The following ZNF100 variants were observed in gnomAD, a reference collection of about 807,000 sequenced individuals.
ZNF100 encodes zinc finger protein 100.
In ZNF100, 12 loss-of-function variants were observed where a neutral mutation model predicts 15.8. The observed-to-expected ratio is 0.76, with a 90% confidence interval of 0.49 to 1.23. The LOEUF is 1.23. ZNF100 is among the 50% of genes most tolerant of loss of function. The pLI, the probability that ZNF100 is intolerant of heterozygous loss-of-function variation, is 0.00. For synonymous variants in ZNF100, 226 were observed against 214.8 expected (o/e 1.05, Z -0.45); for missense variants, 670 against 635.6 (o/e 1.05, Z -0.58).
intron 4 of ZNF100, among the ~76,000 whole-genome samples, chr19:21,728,983 G>C (rs1177572073): frequency 1.3e-5 from 2 of 151,186 alleles, no homozygotes; most frequent in African/African-American, 4.9e-5. Flanking sequence ...GAAAAATATT[G>C]AAAGAAACGA....
chr19:21,737,695 G>C (rs918143380), intron 4 of ZNF100, among the ~76,000 whole-genome samples: 5 of 152,062 alleles, frequency 3.3e-5, no homozygotes, highest in Admixed American at 3.3e-4. Flanking sequence ...TTGAATCCCT[G>C]AATAGACCAA....
chr19:21,730,447 T>A (rs74732249), intron 4 of ZNF100, among the ~76,000 whole-genome samples: 9 of 54,824 alleles, frequency 1.6e-4, no homozygotes, highest in South Asian at 1.7e-3. Flanking sequence ...ATAACCTAAG[T>A]GTGTGTGTGT....
Position 21,725,236 on chromosome 19 carries a change from CATA to C in ZNF100, c.*1444_*1446del, listed in dbSNP as rs2035755903. On this transcript the variant is annotated 3_prime_UTR_variant, in exon 5 of 5. Coordinates refer to ENST00000358296, the MANE Select transcript of ZNF100 (RefSeq NM_173531.4). Reference sequence around the variant, plus strand: ...AGGTGGAATAGGTTAATGTCTGTGGCATAATAACACTTCACTGAATGCACAATA... The same window carrying C: ...AGGTGGAATAGGTTAATGTCTGTGGCATAACACTTCACTGAATGCACAATA... 1 of 152,000 alleles carries C rather than the reference CATA, an allele frequency of 6.6e-6. No individual in the cohort carries two copies. The highest frequency in any genetic ancestry group is 2.1e-4 in the South Asian group (1 of 4,824). 9.4% of individuals were successfully genotyped at this position (152,000 alleles called of 1,614,324 possible).
chr19:21,728,285 T>C (rs2035851586), intron 4 of ZNF100, among the ~76,000 whole-genome samples: 1 of 152,074 alleles, frequency 6.6e-6, no homozygotes, highest in East Asian at 1.9e-4. Context: ...CAATATAACA[T>C]ACTGTCTTTA....
chr19:21,749,638 T>C (rs1380430669), intron 2 of ZNF100, among the ~76,000 whole-genome samples: 2 of 152,224 alleles, frequency 1.3e-5, no homozygotes, highest in African/African-American at 2.4e-5. Flanking sequence ...TGGCTCTGGA[T>C]ACTTTGTGGC....
intron 2 of ZNF100, among the ~76,000 whole-genome samples, chr19:21,765,308 T>C (rs2036540791): frequency 6.6e-6 from 1 of 152,112 alleles, no homozygotes. Flanking sequence ...TCAAGTCAGG[T>C]CATTCAATCA....
Position 21,727,493 on chromosome 19 carries a change from G to T in ZNF100, c.819C>A (p.Ser273=), listed in dbSNP as rs766540094. 3 of 1,613,326 alleles carry T rather than the reference G, an allele frequency of 1.9e-6. No homozygotes were observed. The highest frequency in any genetic ancestry group is 2.5e-6 in the Non-Finnish European group (3 of 1,179,688). Residue 273 remains serine (S), a synonymous_variant, in exon 5 of 5, where the codon TCC becomes TCA. Coordinates refer to ENST00000358296, the MANE Select transcript of ZNF100 (RefSeq NM_173531.4). ...CEECGKAFNR[S]SHLTTHKIIH... is the part of the protein sequence containing the mutation. Reference sequence around the variant, plus strand: ...TTATCTTATGTGTAGTAAGGTGTGAGGACCGGTTAAATGCTTTCCCACATT... The same window carrying T: ...TTATCTTATGTGTAGTAAGGTGTGATGACCGGTTAAATGCTTTCCCACATT...
Position 21,742,372 on chromosome 19 carries a change from T to A in ZNF100, c.322+1645A>T, listed in dbSNP as rs2036127469. Among the ~76,000 whole-genome samples, 3 of 125,038 alleles carry A rather than the reference T, an allele frequency of 2.4e-5. No individual in the cohort carries two copies. The South Asian group carries it at 7.2e-4, about 30-fold the overall frequency. 82.0% of individuals were successfully genotyped at this position (125,038 alleles called of 152,430 possible). On this transcript the variant is annotated intron_variant, in intron 4 of 4. Transcript: ENST00000358296. ...TGTTTTTACAACCATTAATTTTTCT[T>A]TTTCTTTTTTTTTTTTTTTTTTTGA...
chr19:21,729,340 A>G (rs1417319039), intron 4 of ZNF100, among the ~76,000 whole-genome samples: 2 of 151,958 alleles, frequency 1.3e-5, no homozygotes, highest in African/African-American at 4.8e-5. Context: ...TAAACCCTAC[A>G]TACAAAATGT....
At chr19:21,743,201 T>C (rs1414943647) in intron 4 of ZNF100, 1 of 152,208 alleles carries the variant, frequency 6.6e-6, no homozygotes, top group Non-Finnish European at 1.5e-5. Context: ...GCACTCCAAC[T>C]TGATGACAGA....
chr19:21,766,589 TTA>T (rs2036566654), intron 1 of ZNF100, among the ~76,000 whole-genome samples: 1 of 152,072 alleles, frequency 6.6e-6, no homozygotes, highest in Non-Finnish European at 1.5e-5. Flanking sequence ...ATTACTAAAT[TTA>T]GTTTTCTTCA....
At position 21,745,008 on chromosome 19, in the gene ZNF100, C is replaced by T. The variant is rs746816632; in HGVS notation, c.156G>A (p.Leu52=). Residue 52 remains leucine (L), a synonymous_variant, in exon 3 of 5, where the codon CTG becomes CTA. Transcript: ENST00000358296. ...IEFSLEEWQC[L]DSAQQGLYRK... Reference sequence around the variant, plus strand: ...TATACAAACCCTGCTGAGCACTGTCCAGGCATTGCCACTCCTCCAGAGAGA... The same window carrying T: ...TATACAAACCCTGCTGAGCACTGTCTAGGCATTGCCACTCCTCCAGAGAGA... The T allele has an allele frequency of 6.2e-7, 1 of 1,612,866 alleles. No individual in the cohort carries two copies. The highest frequency in any genetic ancestry group is 8.5e-7 in the Non-Finnish European group (1 of 1,179,810).
Position 21,724,455 on chromosome 19 carries a change from T to C in ZNF100, c.*2228A>G, listed in dbSNP as rs539547013. ...GCTCAAAAAATAAATATTAGAAAAC[T>C]TTAAAAATACTTATTCAGGCCTCAG... On this transcript the variant is annotated 3_prime_UTR_variant, in exon 5 of 5. Coordinates refer to ENST00000358296, the MANE Select transcript of ZNF100 (RefSeq NM_173531.4). The C allele has an allele frequency of 3.3e-5, 5 of 152,302 alleles. No individual in the cohort carries two copies. Among genetic ancestry groups the C allele is most frequent in the African/African-American group, 1.2e-4 (5 of 41,590 alleles). The allele number at this position is 152,302 out of a possible 1,614,324, so 9.4% of individuals were successfully genotyped here. A position where few individuals can be genotyped will look rare whatever the true frequency, so the allele number is the denominator to read the frequency against.
At chr19:21,766,118 C>T (rs1385859310) in intron 1 of ZNF100, among the ~76,000 whole-genome samples, 2 of 152,132 alleles carry the variant, frequency 1.3e-5, no homozygotes, top group African/African-American at 4.8e-5. Flanking sequence ...CCATTTAATG[C>T]TTTGTCAAAA....
chr19:21,746,356 C>G (rs1274496724), intron 2 of ZNF100, among the ~76,000 whole-genome samples: 1 of 152,190 alleles, frequency 6.6e-6, no homozygotes, highest in African/African-American at 2.4e-5. Context: ...TAGCAGGTAT[C>G]TCTCAATCTT....
At chr19:21,741,744 T>C (rs940847415) in intron 4 of ZNF100, among the ~76,000 whole-genome samples, 15 of 152,084 alleles carry the variant, frequency 9.9e-5, no homozygotes, top group African/African-American at 3.1e-4. Flanking sequence ...GGCACAATTA[T>C]GGCTCACTTC....
rs1056468733 is a variant in ZNF100, at chr19:21,725,433, C to T, written c.*1250G>A. On this transcript the variant is annotated 3_prime_UTR_variant, in exon 5 of 5. Transcript: ENST00000358296. ...GCAGAATATTACTCTGAATGCCTAA[C>T]GCACACATTGCTTAATATTATAAGT... 15 of 152,048 alleles carry T rather than the reference C, an allele frequency of 9.9e-5. No homozygotes were observed. The highest frequency in any genetic ancestry group is 1.2e-4 in the African/African-American group (5 of 41,394). 9.4% of individuals were successfully genotyped at this position (152,048 alleles called of 1,614,324 possible).
rs373084727 is a variant in ZNF100, at chr19:21,743,257, CAATGA to C, written c.322+755_322+759del. The C allele has an allele frequency of 1.9e-4, 29 of 152,098 alleles. No individual in the cohort carries two copies. The East Asian group carries it at 5.0e-3, about 26-fold the overall frequency. 9.4% of individuals were successfully genotyped at this position (152,098 alleles called of 1,614,324 possible). On this transcript the variant is annotated intron_variant, in intron 4 of 4. Transcript: ENST00000358296. ...ACAAAACAAAACAAAAAAGATATAT[CAATGA>C]AATAAATTATTGAAGACACAAATTT...
chr19:21,726,625 A>T lies in ZNF100; in HGVS notation c.*58T>A. The stretch of plus-strand genomic sequence containing the variant: ...CACAGTCACAGGAGTTCCCTCCAGT[A>T]TGAATTTTTTTATGTTTAGTAAGAG... On this transcript the variant is annotated 3_prime_UTR_variant, in exon 5 of 5. Transcript: ENST00000358296. The T allele has an allele frequency of 6.8e-7, 1 of 1,469,538 alleles. No individual in the cohort carries two copies. Among genetic ancestry groups the T allele is most frequent in the Non-Finnish European group, 9.2e-7 (1 of 1,084,720 alleles). 91.0% of individuals were successfully genotyped at this position (1,469,538 alleles called of 1,614,324 possible).
Sources: allele counts gnomAD v4.1 joint callset (sites outside exome capture counted in the v4.1 genomes callset), GRCh38; gene constraint gnomAD v4.1.1; transcripts MANE v1.5; gene names NCBI Gene and HGNC (gene_info 2026-07-23, HGNC 2026-07-21).